Variants in SLC44A5 observed in about 807,000 individuals in gnomAD.
SLC44A5 encodes choline transporter-like protein 5.
In SLC44A5, 57 loss-of-function variants were observed where a neutral mutation model predicts 101.8. The ratio of observed to expected loss-of-function variants is 0.56; its 90% CI spans 0.45 to 0.70. The LOEUF (loss-of-function observed/expected upper bound fraction) is 0.70, where lower values mean the gene tolerates loss of function less well. Among genes scored for constraint, SLC44A5 ranks in the 30% least tolerant of loss-of-function variants. The pLI is 0.00. For missense variants in SLC44A5, 737 were observed against 853.1 expected, an observed-to-expected ratio of 0.86 and a Z score of 1.70; for synonymous variants, 281 against 290.9, an observed-to-expected ratio of 0.97 and a Z score of 0.35.
intron 2 of SLC44A5, among the ~76,000 whole-genome samples, chr1:75,535,288 GGAA>G (rs1203720770): frequency 6.6e-6 from 1 of 152,052 alleles, no homozygotes; most frequent in Admixed American, 6.5e-5. Flanking sequence ...CATATTTGAA[GGAA>G]GAAGGAGGAA....
At chr1:75,326,368 T>C (rs1369688891) in intron 4 of SLC44A5, among the ~76,000 whole-genome samples, 2 of 151,964 alleles carry the variant, frequency 1.3e-5, no homozygotes, top group Non-Finnish European at 2.9e-5. Flanking sequence ...CATTAAATCT[T>C]ATCTTTAAAA....
At chr1:75,412,289 A>G (rs561559836) in intron 2 of SLC44A5, among the ~76,000 whole-genome samples, 1 of 152,242 alleles carries the variant, frequency 6.6e-6, no homozygotes, top group East Asian at 1.9e-4. Context: ...AAAAGCATGG[A>G]TTTCAGTGAT....
At chr1:75,425,518 A>T (rs1356197807) in intron 2 of SLC44A5, among the ~76,000 whole-genome samples, 1 of 152,192 alleles carries the variant, frequency 6.6e-6, no homozygotes, top group African/African-American at 2.4e-5. Flanking sequence ...GTGGAAAAGA[A>T]AGAGGCTGCA....
At chr1:75,331,305 C>T (rs988882557) in intron 4 of SLC44A5, among the ~76,000 whole-genome samples, 3 of 152,070 alleles carry the variant, frequency 2.0e-5, no homozygotes, top group South Asian at 2.1e-4. Context: ...AAGTCTTAAC[C>T]TCTCTAATCT....
intron 13 of SLC44A5, 26 bp from the exon 14 acceptor site, chr1:75,222,486 T>C: frequency 2.1e-6 from 3 of 1,420,746 alleles, no homozygotes; most frequent in East Asian, 2.3e-5. Context: ...AAAAAATCAG[T>C]CTGTAATACA....
chr1:75,675,939 T>C, the SLC44A5 span, among the ~76,000 whole-genome samples: 1 of 151,874 alleles, frequency 6.6e-6, no homozygotes, highest in Non-Finnish European at 1.5e-5. Flanking sequence ...CTAACAAACA[T>C]ATGAAAAAAA....
intron 2 of SLC44A5, among the ~76,000 whole-genome samples, chr1:75,418,954 A>G (rs1024651372): frequency 3.3e-5 from 5 of 152,166 alleles, no homozygotes; most frequent in African/African-American, 1.2e-4. Flanking sequence ...AAGGGGAGCA[A>G]GCTAGGTTCA....
intron 4 of SLC44A5, among the ~76,000 whole-genome samples, chr1:75,327,907 T>G (rs1445013289): frequency 2.0e-5 from 3 of 152,222 alleles, no homozygotes; most frequent in Non-Finnish European, 4.4e-5. Context: ...CCAGGTTCTC[T>G]GCACTACTAT....
At position 75,481,571 on chromosome 1, in the gene SLC44A5, G is replaced by A. The variant is rs545555486; in HGVS notation, c.13+59864C>T. Among the ~76,000 whole-genome samples the A allele has an allele frequency of 1.0e-3, 154 of 151,690 alleles. 1 individual carries two copies. Among genetic ancestry groups the A allele is most frequent in the African/African-American group, 3.4e-3 (140 of 41,418 alleles). On this transcript the variant is annotated intron_variant, in intron 2 of 23. Transcript: ENST00000370859. ...ACAAATTTACAAGAAAAAAACAAAC[G>A]ACCCCATCAAAAGGTGGGCGAAGGA...
At chr1:75,340,950 A>G (rs2101035703) in intron 3 of SLC44A5, among the ~76,000 whole-genome samples, 1 of 152,346 alleles carries the variant, frequency 6.6e-6, no homozygotes, top group South Asian at 2.1e-4. Flanking sequence ...CCTGAAGCCC[A>G]GCGTTGAGTT....
At chr1:75,318,922 G>A (rs899656963) in intron 4 of SLC44A5, among the ~76,000 whole-genome samples, 1 of 152,120 alleles carries the variant, frequency 6.6e-6, no homozygotes, top group Non-Finnish European at 1.5e-5. Flanking sequence ...CAAATATGCA[G>A]TTCAAATATC....
At chr1:75,311,922 G>A (rs976581945) in intron 4 of SLC44A5, among the ~76,000 whole-genome samples, 1 of 152,184 alleles carries the variant, frequency 6.6e-6, no homozygotes, top group African/African-American at 2.4e-5. Context: ...GGTGAGACCA[G>A]GGTATGTCCT....
At chr1:75,706,534 C>G in the SLC44A5 span, among the ~76,000 whole-genome samples, 2 of 151,976 alleles carry the variant, frequency 1.3e-5, no homozygotes, top group East Asian at 3.9e-4. Context: ...TTAAAATTAC[C>G]TAGTGTGATT....
the SLC44A5 span, among the ~76,000 whole-genome samples, chr1:75,635,893 G>C: frequency 6.6e-6 from 1 of 151,754 alleles, no homozygotes; most frequent in Non-Finnish European, 1.5e-5. Flanking sequence ...CTTAACTTTG[G>C]GGAGGGATTA....
At chr1:75,485,107 C>A (rs576922298) in intron 2 of SLC44A5, among the ~76,000 whole-genome samples, 1 of 152,342 alleles carries the variant, frequency 6.6e-6, no homozygotes, top group East Asian at 1.9e-4. Flanking sequence ...CTTTTCTTTA[C>A]TTATGCAAAT....
chr1:75,401,629 G>T (rs554517128), intron 2 of SLC44A5, among the ~76,000 whole-genome samples: 1 of 152,218 alleles, frequency 6.6e-6, no homozygotes, highest in East Asian at 1.9e-4. Flanking sequence ...GGTGGTGTGA[G>T]CTGGGGCTAG....
upstream of SLC44A5, among the ~76,000 whole-genome samples, chr1:75,614,457 A>G (rs1199123996): frequency 6.6e-6 from 1 of 152,234 alleles, no homozygotes; most frequent in African/African-American, 2.4e-5. Flanking sequence ...ATTAAGGATC[A>G]TGATTTTAAA....
intron 2 of SLC44A5, among the ~76,000 whole-genome samples, chr1:75,476,564 C>T (rs982962161): frequency 4.6e-5 from 7 of 152,194 alleles, no homozygotes; most frequent in Admixed American, 2.0e-4. Context: ...TGCGCTTTTC[C>T]GACAGGCTTA....
chr1:75,444,465 A>AAAG (rs1488036572), intron 2 of SLC44A5, among the ~76,000 whole-genome samples: 6 of 110,096 alleles, frequency 5.4e-5, no homozygotes, highest in East Asian at 4.7e-4. Flanking sequence ...GAAAAAGAAA[A>AAAG]AAAGAAAGAG....
Sources: allele counts gnomAD v4.1 joint callset (sites outside exome capture counted in the v4.1 genomes callset), GRCh38; gene constraint gnomAD v4.1.1; transcripts MANE v1.5; gene names NCBI Gene and HGNC (gene_info 2026-07-23, HGNC 2026-07-21).